KIAA1217: variants seen among roughly 807,000 people sequenced by gnomAD.
KIAA1217 encodes the protein KIAA1217.
KIAA1217 carries 88 observed loss-of-function variants against 163.9 expected under a neutral mutation model. That is an observed-to-expected ratio of 0.54 (90% confidence interval 0.45 to 0.64). The LOEUF is 0.64. Ranked by LOEUF, KIAA1217 falls within the 30% of genes least tolerant of loss-of-function variation. The pLI is 0.00. For synonymous variants in KIAA1217, 903 were observed against 923.1 expected (o/e 0.98, Z 0.39); for missense variants, 2,372 against 2,475.0 (o/e 0.96, Z 0.88).
intron 2 of KIAA1217, among the ~76,000 whole-genome samples, chr10:24,033,521 C>T (rs1848273885): frequency 6.6e-6 from 1 of 152,206 alleles, no homozygotes. Context: ...ATTGGCTGTT[C>T]TTGGAGACCA....
intron 11 of KIAA1217, among the ~76,000 whole-genome samples, chr10:24,520,653 T>A (rs1401726579): frequency 0.02 from 1,536 of 77,262 alleles, 47 homozygotes; most frequent in African/African-American, 0.073. Flanking sequence ...AAAAAAAAAA[T>A]ATATATATAT....
intron 20 of KIAA1217, chr10:24,545,581 G>C: frequency 5.1e-6 from 7 of 1,369,174 alleles, no homozygotes; most frequent in Non-Finnish European, 5.6e-6. Context: ...GGTAGAGCTG[G>C]AATGATGGGA....
intron 1 of KIAA1217, among the ~76,000 whole-genome samples, chr10:23,843,096 A>G (rs550706637): frequency 6.6e-6 from 1 of 152,104 alleles, no homozygotes; most frequent in Admixed American, 6.6e-5. Flanking sequence ...ATCAATGTAA[A>G]TGTTTCTACT....
intron 2 of KIAA1217, among the ~76,000 whole-genome samples, chr10:24,246,960 C>T (rs1258111809): frequency 3.3e-5 from 5 of 151,578 alleles, no homozygotes; most frequent in African/African-American, 4.8e-5. Context: ...CTGCAGTGAA[C>T]GGAGATCACA....
At chr10:23,970,575 T>C (rs970928087) in intron 1 of KIAA1217, among the ~76,000 whole-genome samples, 1 of 152,210 alleles carries the variant, frequency 6.6e-6, no homozygotes, top group Non-Finnish European at 1.5e-5. Flanking sequence ...TTGCACAGCA[T>C]GATGACTATA....
chr10:24,092,948 G>GTGTGTC (rs1216900920), intron 2 of KIAA1217, among the ~76,000 whole-genome samples: 15 of 151,058 alleles, frequency 9.9e-5, no homozygotes, highest in Non-Finnish European at 1.9e-4. Context: ...GTGTGTGTGT[G>GTGTGTC]TGTGTGAAAG....
chr10:24,138,328 T>G (rs1373885222), intron 2 of KIAA1217, among the ~76,000 whole-genome samples: 1 of 152,036 alleles, frequency 6.6e-6, no homozygotes, highest in African/African-American at 2.4e-5. Context: ...GTGGTTTATG[T>G]TTTAGAGATG....
intron 1 of KIAA1217, among the ~76,000 whole-genome samples, chr10:23,938,816 C>T (rs1843640577): frequency 6.6e-6 from 1 of 151,990 alleles, no homozygotes; most frequent in Non-Finnish European, 1.5e-5. Flanking sequence ...TATATGCATA[C>T]GTATATGCCA....
Position 24,495,157 on chromosome 10 carries a change from A to C in KIAA1217, c.1795A>C (p.Met599Leu). The C allele has an allele frequency of 1.2e-6, 2 of 1,612,630 alleles. No homozygotes were observed. Among genetic ancestry groups the C allele is most frequent in the Non-Finnish European group, 1.7e-6 (2 of 1,179,628 alleles). Residue 599 changes from methionine to leucine, a missense_variant, in exon 8 of 21, where the codon ATG (methionine) becomes CTG (leucine). Transcript: ENST00000376454. ...TTTTCTTTTATTCAGCGAGAAAATG[A>C]TGAAAACCACAGCCAACAGGAACCA... ...YSKDASSEKMMKTTANRNHTD... is the reference protein window; with the variant it reads ...YSKDASSEKMLKTTANRNHTD...
At chr10:23,911,909 G>A (rs1842446925) in intron 1 of KIAA1217, among the ~76,000 whole-genome samples, 1 of 152,100 alleles carries the variant, frequency 6.6e-6, no homozygotes, top group Non-Finnish European at 1.5e-5. Flanking sequence ...GATTATTTCA[G>A]ATAATGATGA....
intron 6 of KIAA1217, among the ~76,000 whole-genome samples, chr10:24,477,222 C>G (rs1168309826): frequency 2.0e-5 from 3 of 152,146 alleles, no homozygotes; most frequent in Admixed American, 2.0e-4. Context: ...TGAATGGCAC[C>G]TATCATTTAT....
intron 2 of KIAA1217, among the ~76,000 whole-genome samples, chr10:24,268,143 A>C (rs531842985): frequency 6.6e-6 from 1 of 152,342 alleles, no homozygotes; most frequent in African/African-American, 2.4e-5. Flanking sequence ...AATCAGAGCA[A>C]GTCATTACTC....
intron 2 of KIAA1217, among the ~76,000 whole-genome samples, chr10:24,068,391 C>T (rs140064181): frequency 1.5e-3 from 225 of 152,288 alleles, no homozygotes; most frequent in Non-Finnish European, 2.4e-3. Flanking sequence ...TACTGTTCTA[C>T]TGAGCTCACT....
At chr10:24,371,370 A>G (rs555272051) in intron 2 of KIAA1217, among the ~76,000 whole-genome samples, 15 of 152,368 alleles carry the variant, frequency 9.8e-5, no homozygotes, top group Non-Finnish European at 1.2e-4. Context: ...AAGGTGGAAA[A>G]TATCTCTGGG....
intron 2 of KIAA1217, among the ~76,000 whole-genome samples, chr10:24,235,537 A>G (rs1404103918): frequency 6.6e-6 from 1 of 152,208 alleles, no homozygotes; most frequent in Non-Finnish European, 1.5e-5. Context: ...TTTTCTTTAG[A>G]CCAGAACTTC....
intron 1 of KIAA1217, among the ~76,000 whole-genome samples, chr10:23,871,890 T>C (rs1383488387): frequency 6.6e-6 from 1 of 152,056 alleles, no homozygotes. Context: ...ACAGCATGCA[T>C]AGAGTGTCAC....
chr10:24,259,733 G>C (rs1166457087), intron 2 of KIAA1217, among the ~76,000 whole-genome samples: 6 of 152,192 alleles, frequency 3.9e-5, no homozygotes, highest in African/African-American at 1.4e-4. Context: ...CTGGGAGCCT[G>C]AGCCCCCTTG....
Position 24,544,415 on chromosome 10 carries a change from G to A in KIAA1217, c.5145G>A (p.Leu1715=). 6.2e-7 allele frequency: 1 copy of A among 1,614,076 alleles called. No individual in the cohort carries two copies. The highest frequency in any genetic ancestry group is 8.5e-7 in the Non-Finnish European group (1 of 1,180,010). The stretch of plus-strand genomic sequence containing the variant: ...CCCAAGAGGCCTCTCCCCGACCCTT[G>A]CTAGTTCCGGATGAAGGTCCCACTG... ...HIAQEASPRP[L]LVPDEGPTAL... is the part of the protein sequence containing the mutation. Residue 1715 remains leucine (L), a synonymous_variant, in exon 19 of 21, where the codon TTG becomes TTA. Transcript: ENST00000376454.
chr10:23,868,151 C>A (rs1183078392), intron 1 of KIAA1217, among the ~76,000 whole-genome samples: 1 of 152,090 alleles, frequency 6.6e-6, no homozygotes, highest in Non-Finnish European at 1.5e-5. Flanking sequence ...CACATTTCTA[C>A]ATGGTTCTTC....
Sources: allele counts gnomAD v4.1 joint callset (sites outside exome capture counted in the v4.1 genomes callset), GRCh38; gene constraint gnomAD v4.1.1; transcripts MANE v1.5; gene names NCBI Gene and HGNC (gene_info 2026-07-23, HGNC 2026-07-21).